The following CEMIP2 variants were observed in gnomAD, a reference collection of about 807,000 sequenced individuals.
CEMIP2 encodes the protein cell migration inducing hyaluronidase 2.
A neutral mutation model predicts 146.9 loss-of-function variants in CEMIP2; 79 were observed. The ratio of observed to expected loss-of-function variants is 0.54; its 90% CI spans 0.45 to 0.65. CEMIP2 has a LOEUF of 0.65. Ranked by LOEUF, CEMIP2 falls within the 30% of genes least tolerant of loss-of-function variation. CEMIP2 has a pLI of 0.00. For synonymous variants in CEMIP2, 601 were observed against 606.3 expected (o/e 0.99, Z 0.13); for missense variants, 1,596 against 1,696.2 (o/e 0.94, Z 1.04).
chr9:71,725,555 C>A, intron 11 of CEMIP2, 26 bp downstream of exon 11: 1 of 1,610,206 alleles, frequency 6.2e-7, no homozygotes, highest in Non-Finnish European at 8.5e-7. Context: ...AGCATATGTA[C>A]TAATTGTTAA....
At chr9:71,686,048 AG>A in intron 22 of CEMIP2, 3 of 569,138 alleles carry the variant, frequency 5.3e-6, no homozygotes, top group Non-Finnish European at 9.4e-6. Context: ...TGCTCTTACA[AG>A]GGGTAACGCA....
rs895497689 is a variant in CEMIP2 at position 71,702,440 on chromosome 9, G to A, written c.3195-1616C>T. 2.7e-4 allele frequency among the ~76,000 whole-genome samples: 41 copies of A among 151,686 alleles called. 1 individual carries two copies. Among genetic ancestry groups the A allele is most frequent in the African/African-American group, 9.4e-4 (39 of 41,344 alleles). Reference sequence around the variant, plus strand: ...AACAACCTAAATGTTCATGGGGTAAGGGGGGTAGTTAAAAAAATTATGGCA... The same window carrying A: ...AACAACCTAAATGTTCATGGGGTAAAGGGGGTAGTTAAAAAAATTATGGCA... On this transcript the variant is annotated intron_variant, in intron 18 of 23. Coordinates refer to ENST00000377044, the MANE Select transcript of CEMIP2 (RefSeq NM_013390.3).
chr9:71,716,120 A>G (rs1823049726), intron 14 of CEMIP2, among the ~76,000 whole-genome samples: 1 of 152,166 alleles, frequency 6.6e-6, no homozygotes, highest in African/African-American at 2.4e-5. Context: ...AAACATACAG[A>G]ACAAAAAGTT....
At chr9:71,764,217 T>C (rs1387124136) in intron 1 of CEMIP2, among the ~76,000 whole-genome samples, 2 of 152,188 alleles carry the variant, frequency 1.3e-5, no homozygotes, top group African/African-American at 4.8e-5. Context: ...TTACACTTAG[T>C]TCCTTATTTC....
At chr9:71,707,285 T>G (rs79650674) in intron 17 of CEMIP2, among the ~76,000 whole-genome samples, 2,785 of 152,284 alleles carry the variant, frequency 0.018, 90 homozygotes, top group African/African-American at 0.062. Context: ...TTCTTTATTC[T>G]ACTGTAGTTA....
intron 15 of CEMIP2, 125 bp downstream of exon 15, chr9:71,714,809 A>T: frequency 1.1e-6 from 1 of 944,594 alleles, no homozygotes; most frequent in East Asian, 2.6e-5. Context: ...GTAATAAATG[A>T]TAAAATAGGA....
At chr9:71,708,565 G>C (rs1055801940) in intron 17 of CEMIP2, among the ~76,000 whole-genome samples, 3 of 152,060 alleles carry the variant, frequency 2.0e-5, no homozygotes, top group African/African-American at 7.2e-5. Context: ...TCAAACCCAG[G>C]CAGTCTAGCT....
intron 2 of CEMIP2, 23 bp from the exon 3 acceptor site, chr9:71,746,364 T>C (rs761099066): frequency 1.2e-6 from 2 of 1,612,514 alleles, no homozygotes; most frequent in East Asian, 4.5e-5. Flanking sequence ...TGATATTCCA[T>C]CCAACCCATT....
chr9:71,750,476 T>C, intron 1 of CEMIP2, 91 bp from the exon 2 acceptor site: 1 of 1,002,014 alleles, frequency 1.0e-6, no homozygotes, highest in Non-Finnish European at 1.4e-6. Context: ...AGTTTCACTC[T>C]TGTTGCCCAC....
chr9:71,746,596 CAAAAAA>C (rs5898226), intron 2 of CEMIP2, among the ~76,000 whole-genome samples: 10 of 75,172 alleles, frequency 1.3e-4, no homozygotes, highest in South Asian at 6.6e-4. Flanking sequence ...CAAACTTCAC[CAAAAAA>C]AAAAAAAAAA....
At chr9:71,735,051 T>C in intron 5 of CEMIP2, 57 bp from the exon 6 acceptor site, 2 of 1,527,180 alleles carry the variant, frequency 1.3e-6, no homozygotes, top group Non-Finnish European at 1.7e-6. Flanking sequence ...TATTTTTTTC[T>C]CTCTAAAATG....
At chr9:71,750,608 ATT>A (rs560628836) in intron 1 of CEMIP2, among the ~76,000 whole-genome samples, 14 of 141,112 alleles carry the variant, frequency 9.9e-5, no homozygotes, top group South Asian at 2.3e-4. Flanking sequence ...CGCCCAGCTA[ATT>A]TTTTTTTTTT....
In CEMIP2 at chr9:71,709,646, CAATT is replaced by C. The variant is rs144664568; in HGVS notation, c.2770-176_2770-173del. 3.4e-3 allele frequency among the ~76,000 whole-genome samples: 515 copies of C among 152,266 alleles called. 4 individuals are homozygous for C. Among genetic ancestry groups the C allele is most frequent in the African/African-American group, 0.012 (494 of 41,546 alleles). On this transcript the variant is annotated intron_variant, in intron 16 of 23. Transcript: ENST00000377044. ...CTCAAGTCAGCCTGAGTTTTCTACT[CAATT>C]AATGACATGCTGGGGTTGGGGGGAA...
intron 15 of CEMIP2, 109 bp from the exon 16 acceptor site, chr9:71,712,369 T>C (rs1036554105): frequency 1.9e-6 from 2 of 1,070,202 alleles, no homozygotes; most frequent in Non-Finnish European, 2.7e-6. Flanking sequence ...CTAAGCAAAA[T>C]TCTAGGATAC....
At chr9:71,735,122 G>A (rs1037739502) in intron 5 of CEMIP2, 128 bp from the exon 6 acceptor site, 17 of 1,059,086 alleles carry the variant, frequency 1.6e-5, no homozygotes, top group Admixed American at 5.7e-5. Context: ...AAATTTTTAC[G>A]CATGCTACCA....
At chr9:71,696,100 A>AATGCT (rs1421832915) in intron 20 of CEMIP2, among the ~76,000 whole-genome samples, 1 of 152,234 alleles carries the variant, frequency 6.6e-6, no homozygotes, top group Non-Finnish European at 1.5e-5. Context: ...AAAGATAAAG[A>AATGCT]ATGCTAAGTA....
intron 22 of CEMIP2, among the ~76,000 whole-genome samples, chr9:71,689,336 T>C (rs1294197329): frequency 6.6e-6 from 1 of 152,244 alleles, no homozygotes; most frequent in African/African-American, 2.4e-5. Context: ...CTTAAGTTCC[T>C]TCCTTAATGG....
At chr9:71,706,852 G>A (rs1019804864) in intron 17 of CEMIP2, among the ~76,000 whole-genome samples, 2 of 152,044 alleles carry the variant, frequency 1.3e-5, no homozygotes, top group Non-Finnish European at 2.9e-5. Context: ...TTTTGAGACA[G>A]AGTTTCGCTC....
chr9:71,715,625 GATATATAT>G (rs71790721), intron 14 of CEMIP2, among the ~76,000 whole-genome samples: 10 of 119,080 alleles, frequency 8.4e-5, no homozygotes, highest in East Asian at 5.3e-4. Context: ...TCCCTCTTAA[GATATATAT>G]ATATATATAT....
Sources: gnomAD v4.1 joint callset for allele counts (sites outside exome capture counted in the v4.1 genomes callset) on GRCh38, gnomAD v4.1.1 for gene constraint, MANE v1.5 for transcripts, NCBI Gene and HGNC (gene_info 2026-07-23, HGNC 2026-07-21) for gene names.